The following RAPGEF6 variants were observed in gnomAD, a reference collection of about 807,000 sequenced individuals.
The protein encoded by RAPGEF6 is Rap guanine nucleotide exchange factor 6, also known as PDZ domain containing guanine nucleotide exchange factor (GEF) 2.
Under a neutral mutation model 171.4 loss-of-function variants are expected in RAPGEF6, and 56 were observed. The ratio of observed to expected loss-of-function variants is 0.33; its 90% CI spans 0.26 to 0.41. RAPGEF6 has a LOEUF of 0.41. Among genes scored for constraint, RAPGEF6 ranks in the 10% least tolerant of loss-of-function variants. The probability of loss-of-function intolerance (pLI) is 1.00; values close to 1 mark genes in which losing one functional copy is unlikely to be tolerated. For missense variants in RAPGEF6, 1,674 were observed against 1,921.4 expected, an observed-to-expected ratio of 0.87 and a Z score of 2.41; for synonymous variants, 692 against 650.1, an observed-to-expected ratio of 1.06 and a Z score of -0.98.
chr5:131,560,094 C>A (rs1761501596), intron 5 of RAPGEF6, among the ~76,000 whole-genome samples: 1 of 152,078 alleles, frequency 6.6e-6, no homozygotes, highest in South Asian at 2.1e-4. Context: ...TTATACCAAT[C>A]ATCAATAAAT....
intron 9 of RAPGEF6, among the ~76,000 whole-genome samples, chr5:131,506,155 T>C (rs922331494): frequency 2.0e-5 from 3 of 152,228 alleles, no homozygotes; most frequent in Non-Finnish European, 4.4e-5. Flanking sequence ...ATTTATTTAT[T>C]TGAGAGATGG....
intron 1 of RAPGEF6, among the ~76,000 whole-genome samples, chr5:131,612,088 C>G (rs1472761714): frequency 6.6e-6 from 1 of 152,008 alleles, no homozygotes; most frequent in Non-Finnish European, 1.5e-5. Context: ...AGGCTGAGTG[C>G]AGTGACGGCA....
At chr5:131,469,745 CA>C in intron 17 of RAPGEF6, 2 of 1,294,842 alleles carry the variant, frequency 1.5e-6, no homozygotes, top group Non-Finnish European at 2.1e-6. Context: ...TAAAAAATAA[CA>C]AAATAATACA....
intron 4 of RAPGEF6, among the ~76,000 whole-genome samples, chr5:131,591,425 G>A (rs1763581999): frequency 6.6e-6 from 1 of 152,152 alleles, no homozygotes; most frequent in South Asian, 2.1e-4. Context: ...AGAGCTTTAT[G>A]TAGAGTAAGT....
intron 15 of RAPGEF6, among the ~76,000 whole-genome samples, chr5:131,483,653 A>T (rs1470914392): frequency 1.3e-5 from 2 of 152,204 alleles, no homozygotes; most frequent in Non-Finnish European, 2.9e-5. Context: ...TCACAAACAC[A>T]CGAAACAAAA....
At position 131,479,518 on chromosome 5, in the gene RAPGEF6, T is replaced by C. The variant is rs1295409669; in HGVS notation, c.2076A>G (p.Leu692=). ...KTRFSILPPK[L]FSDGGLSQSQ... ...CTAAGATCGGCATTACCTACCTAAA[T>C]AGCTTTGGAGGCAAGATACTAAATC... Residue 692 remains leucine (L), a synonymous_variant, in exon 16 of 28, where the codon CTA becomes CTG. Coordinates refer to ENST00000509018, the MANE Select transcript of RAPGEF6 (RefSeq NM_016340.6). The C allele has an allele frequency of 5.0e-6, 8 of 1,613,832 alleles. No individual in the cohort carries two copies. Among genetic ancestry groups the C allele is most frequent in the East Asian group, 2.2e-5 (1 of 44,838 alleles).
intron 6 of RAPGEF6, among the ~76,000 whole-genome samples, chr5:131,528,395 C>T (rs1759134944): frequency 7.3e-6 from 1 of 137,406 alleles, no homozygotes. Flanking sequence ...ATGGAATTTA[C>T]CATTTCCCAA....
At chr5:131,485,870 G>A (rs1755850860) in intron 15 of RAPGEF6, among the ~76,000 whole-genome samples, 1 of 152,200 alleles carries the variant, frequency 6.6e-6, no homozygotes, top group African/African-American at 2.4e-5. Context: ...ATATTCTGGA[G>A]CAACTGTGCT....
At chr5:131,475,037 T>A (rs140461759) in intron 16 of RAPGEF6, among the ~76,000 whole-genome samples, 109 of 152,348 alleles carry the variant, frequency 7.2e-4, no homozygotes, top group African/African-American at 2.5e-3. Context: ...AGTCCTTATA[T>A]CTCTTGCTGA....
rs77418668 is a variant in RAPGEF6 at position 131,540,402 on chromosome 5, A to C, written c.495+7645T>G. Reference sequence around the variant, plus strand: ...GGAAACAGCAAGACACTGTCTCTACAAAAAATAAAAATACTTAGTCAAGTG... The same window carrying C: ...GGAAACAGCAAGACACTGTCTCTACCAAAAATAAAAATACTTAGTCAAGTG... On this transcript the variant is annotated intron_variant, in intron 6 of 27. Transcript: ENST00000509018. Among the ~76,000 whole-genome samples the C allele has an allele frequency of 6.5e-3, 992 of 152,290 alleles. 11 individuals are homozygous for C. Among genetic ancestry groups the C allele is most frequent in the African/African-American group, 0.022 (930 of 41,554 alleles).
intron 22 of RAPGEF6, 74 bp from the exon 23 acceptor site, chr5:131,442,611 G>C (rs1752458102): frequency 1.3e-6 from 2 of 1,550,658 alleles, no homozygotes; most frequent in Non-Finnish European, 1.7e-6. Flanking sequence ...ATAATAAATG[G>C]TTACTTTAAA....
chr5:131,468,659 T>C (rs1580873036), intron 17 of RAPGEF6, among the ~76,000 whole-genome samples: 2 of 152,296 alleles, frequency 1.3e-5, no homozygotes, highest in Admixed American at 6.5e-5. Context: ...GCCTGTTATG[T>C]GTCAACAGGG....
At position 131,429,144 on chromosome 5, in the gene RAPGEF6, C is replaced by T. The variant is rs1751548805; in HGVS notation, c.4538G>A (p.Gly1513Glu). The change falls in exon 27 of 28, where the codon GGG becomes GAG. Residue 1513 changes from glycine to glutamate, a missense_variant. Transcript: ENST00000509018. Reference sequence around the variant, plus strand: ...TTCCTTTAGGTCCGCTAAAGAAATCCCCAAATATCCTGGAGGAGTGGGAGG... The same window carrying T: ...TTCCTTTAGGTCCGCTAAAGAAATCTCCAAATATCCTGGAGGAGTGGGAGG... Reference protein sequence around the residue: ...EPPPTPPGYLGISLADLKEGP... With the variant: ...EPPPTPPGYLEISLADLKEGP... 6.2e-6 allele frequency: 10 copies of T among 1,613,854 alleles called. No individual in the cohort carries two copies. The highest frequency in any genetic ancestry group is 8.5e-6 in the Non-Finnish European group (10 of 1,179,846).
chr5:131,445,968 T>TA (rs1192386073), intron 22 of RAPGEF6, among the ~76,000 whole-genome samples: 9 of 152,188 alleles, frequency 5.9e-5, no homozygotes, highest in South Asian at 2.1e-4. Flanking sequence ...TGTATTTAAT[T>TA]AAAAAAAATC....
intron 12 of RAPGEF6, 63 bp downstream of exon 12, chr5:131,498,380 T>A: frequency 7.0e-7 from 1 of 1,436,870 alleles, no homozygotes; most frequent in African/African-American, 1.4e-5. Context: ...ATCTATCAAC[T>A]ATAAAAGTTT....
chr5:131,567,269 TTC>T (rs1001627595), intron 4 of RAPGEF6, among the ~76,000 whole-genome samples: 11 of 152,202 alleles, frequency 7.2e-5, no homozygotes, highest in Non-Finnish European at 1.3e-4. Flanking sequence ...TCAATGATGT[TTC>T]TCTGTTATCT....
At position 131,561,395 on chromosome 5, in the gene RAPGEF6, C is replaced by A. The variant is rs911109121; in HGVS notation, c.351+583G>T. Among the ~76,000 whole-genome samples the A allele has an allele frequency of 2.6e-5, 4 of 152,088 alleles. No homozygotes were observed. The South Asian group carries it at 6.2e-4, about 24-fold the overall frequency. On this transcript the variant is annotated intron_variant, in intron 5 of 27. Transcript: ENST00000509018. ...ACCTGAGGCTGGGCGCAGTGACCCA[C>A]GCCTGTAATCTCAGCACTTTGGGAG...
chr5:131,480,907 C>G (rs1755430716), intron 15 of RAPGEF6, among the ~76,000 whole-genome samples: 1 of 151,794 alleles, frequency 6.6e-6, no homozygotes, highest in East Asian at 1.9e-4. Flanking sequence ...CAAGTAACAA[C>G]CAATCATATC....
chr5:131,427,220 C>T lies in RAPGEF6; in HGVS notation c.*46G>A. 2 of 1,572,082 alleles carry T rather than the reference C, an allele frequency of 1.3e-6. No individual in the cohort carries two copies. Among genetic ancestry groups the T allele is most frequent in the Non-Finnish European group, 1.8e-6 (2 of 1,142,036 alleles). Reference sequence around the variant, plus strand: ...GCAGAATCATGAGGTGGTTCTTGCCCATTCCTCCACGACTTTCAGTGGTTT... The same window carrying T: ...GCAGAATCATGAGGTGGTTCTTGCCTATTCCTCCACGACTTTCAGTGGTTT... On this transcript the variant is annotated 3_prime_UTR_variant, in exon 28 of 28. Transcript: ENST00000509018.
Sources: allele counts gnomAD v4.1 joint callset (sites outside exome capture counted in the v4.1 genomes callset), GRCh38; gene constraint gnomAD v4.1.1; transcripts MANE v1.5; gene names NCBI Gene and HGNC (gene_info 2026-07-23, HGNC 2026-07-21).